SARNP: variants seen among roughly 807,000 people sequenced by gnomAD.
The protein encoded by SARNP is SAP domain containing ribonucleoprotein.
In SARNP, 5 loss-of-function variants were observed where a neutral mutation model predicts 38.1. That is an observed-to-expected ratio of 0.13 (90% CI 0.07 to 0.28). The LOEUF is 0.28. Ranked by LOEUF, SARNP falls within the 10% of genes least tolerant of loss-of-function variation. The probability of loss-of-function intolerance (pLI) is 1.00; values close to 1 mark genes in which losing one functional copy is unlikely to be tolerated. For synonymous variants in SARNP, 84 were observed against 80.6 expected (o/e 1.04, Z -0.23); for missense variants, 180 against 243.9 (o/e 0.74, Z 1.75).
chr12:55,762,368 C>T (rs1253216099), intron 9 of SARNP, among the ~76,000 whole-genome samples: 1 of 150,730 alleles, frequency 6.6e-6, no homozygotes, highest in Non-Finnish European at 1.5e-5. Flanking sequence ...TGCAGTGGCA[C>T]AATCTCAGCT....
chr12:55,816,284 ATATTT>A (rs1481999904), intron 1 of SARNP, among the ~76,000 whole-genome samples: 1 of 152,204 alleles, frequency 6.6e-6, no homozygotes, highest in Non-Finnish European at 1.5e-5. Context: ...TTTCTGTGTT[ATATTT>A]TATAACAGTC....
intron 9 of SARNP, among the ~76,000 whole-genome samples, chr12:55,763,041 TCA>T (rs776151930): frequency 2.8e-4 from 42 of 152,346 alleles, no homozygotes; most frequent in Admixed American, 4.6e-4. Flanking sequence ...TATCATTTAA[TCA>T]CAGTTTATTA....
chr12:55,772,742 T>C (rs964162003), intron 9 of SARNP, among the ~76,000 whole-genome samples: 4 of 149,432 alleles, frequency 2.7e-5, no homozygotes, highest in African/African-American at 1.0e-4. Flanking sequence ...GAGACAGAGT[T>C]TTGCTCTTTC....
At chr12:55,803,211 C>T (rs1008727030) in intron 2 of SARNP, among the ~76,000 whole-genome samples, 5 of 151,980 alleles carry the variant, frequency 3.3e-5, no homozygotes, top group Admixed American at 2.0e-4. Context: ...TGGCTGGGCG[C>T]GGTGGCTCAC....
intron 1 of SARNP, among the ~76,000 whole-genome samples, chr12:55,807,004 G>A (rs976577134): frequency 6.6e-6 from 1 of 152,012 alleles, no homozygotes; most frequent in Non-Finnish European, 1.5e-5. Flanking sequence ...TGTTGCCCGG[G>A]CTGAACTTAA....
chr12:55,777,577 T>C (rs937775880), intron 9 of SARNP, among the ~76,000 whole-genome samples: 7 of 152,124 alleles, frequency 4.6e-5, no homozygotes, highest in Non-Finnish European at 7.3e-5. Flanking sequence ...GGTTTCATCA[T>C]GTTAGCCAGG....
chr12:55,795,950 A>T (rs1451026985), intron 5 of SARNP, 75 bp downstream of exon 5: 18 of 1,027,146 alleles, frequency 1.8e-5, no homozygotes, highest in Non-Finnish European at 1.5e-6. Context: ...ATTTTAGAGG[A>T]TGATGCAGAT....
At chr12:55,790,655 A>G in intron 7 of SARNP, 63 bp from the exon 8 acceptor site, 3 of 1,391,206 alleles carry the variant, frequency 2.2e-6, no homozygotes, top group Non-Finnish European at 2.9e-6. Context: ...ACAGTCTTCA[A>G]GTCAAATTAG....
At chr12:55,792,175 GA>G (rs960274459) in intron 7 of SARNP, among the ~76,000 whole-genome samples, 6 of 151,798 alleles carry the variant, frequency 4.0e-5, no homozygotes, top group African/African-American at 7.3e-5. Flanking sequence ...CTAAGAGCCA[GA>G]AAAAAAATTT....
At chr12:55,795,701 T>C (rs2136198042) in intron 5 of SARNP, among the ~76,000 whole-genome samples, 1 of 152,256 alleles carries the variant, frequency 6.6e-6, no homozygotes, top group South Asian at 2.1e-4. Flanking sequence ...TACTGGCCAG[T>C]AGCAACATAA....
intron 9 of SARNP, among the ~76,000 whole-genome samples, chr12:55,772,260 CAAT>C (rs1879029744): frequency 1.3e-5 from 2 of 152,124 alleles, no homozygotes; most frequent in African/African-American, 4.8e-5. Flanking sequence ...AACCTACTCT[CAAT>C]AATCTCTTTC....
At chr12:55,807,528 C>G (rs760795217) in intron 1 of SARNP, among the ~76,000 whole-genome samples, 3 of 151,140 alleles carry the variant, frequency 2.0e-5, no homozygotes, top group Non-Finnish European at 4.4e-5. Flanking sequence ...TTTGGTCGGG[C>G]GTGGTGGCTC....
chr12:55,774,888 T>C (rs922857881), intron 9 of SARNP, among the ~76,000 whole-genome samples: 1 of 146,826 alleles, frequency 6.8e-6, no homozygotes, highest in Non-Finnish European at 1.5e-5. Flanking sequence ...TATTTGTTTT[T>C]TTTTTTTTTT....
In SARNP at chr12:55,764,706, C is replaced by T. The variant is rs111988069; in HGVS notation, c.502-4066G>A. Among the ~76,000 whole-genome samples, 32 of 150,252 alleles carry T rather than the reference C, an allele frequency of 2.1e-4. 1 individual carries two copies. Among genetic ancestry groups the T allele is most frequent in the African/African-American group, 5.6e-4 (23 of 40,810 alleles). On this transcript the variant is annotated intron_variant, in intron 9 of 10. Transcript: ENST00000336133. ...TACAAAAATTAGCTGGGTGTGGTGG[C>T]GAGTAGTAGTCCCTACTCGGGAAGC...
In SARNP at chr12:55,788,805, A is replaced by G. The variant is rs559766077; in HGVS notation, c.501+270T>C. ...ACAGAATGACCTTGTCTCAAAGGAA[A>G]AAAAAGAAAGAAAGAAAAGAAATGT... On this transcript the variant is annotated intron_variant, in intron 9 of 10. Coordinates refer to ENST00000336133, the MANE Select transcript of SARNP (RefSeq NM_033082.4). 3.9e-5 allele frequency among the ~76,000 whole-genome samples: 6 copies of G among 152,292 alleles called. No individual in the cohort carries two copies. The East Asian group carries it at 1.2e-3, about 29-fold the overall frequency.
At chr12:55,770,088 T>A (rs1326992134) in intron 9 of SARNP, among the ~76,000 whole-genome samples, 1 of 152,168 alleles carries the variant, frequency 6.6e-6, no homozygotes, top group East Asian at 1.9e-4. Flanking sequence ...GAAAGCAAGA[T>A]GAAGTGTAGT....
chr12:55,779,590 T>G (rs1449409503), intron 9 of SARNP, among the ~76,000 whole-genome samples: 2 of 152,156 alleles, frequency 1.3e-5, no homozygotes, highest in Non-Finnish European at 2.9e-5. Context: ...TCCATGTTGG[T>G]AATATCCTAT....
intron 9 of SARNP, among the ~76,000 whole-genome samples, chr12:55,766,115 G>A (rs1371050370): frequency 6.6e-6 from 1 of 152,160 alleles, no homozygotes; most frequent in Non-Finnish European, 1.5e-5. Context: ...GGCATCTGCA[G>A]GCAGCAGTGA....
rs144177663 is a variant in SARNP, at chr12:55,809,383, G to C, written c.37-5655C>G. On this transcript the variant is annotated intron_variant, in intron 1 of 10. Transcript: ENST00000336133. ...CACTTGGGTCTGGGAGGCTGAGGCT[G>C]CAATGAGCCATGATCATGCCACTGC... Among the ~76,000 whole-genome samples the C allele has an allele frequency of 4.0e-3, 613 of 152,162 alleles. 4 individuals are homozygous for C. The highest frequency in any genetic ancestry group is 0.014 in the African/African-American group (570 of 41,492).
Sources: gnomAD v4.1 joint callset for allele counts (sites outside exome capture counted in the v4.1 genomes callset) on GRCh38, gnomAD v4.1.1 for gene constraint, MANE v1.5 for transcripts, NCBI Gene and HGNC (gene_info 2026-07-23, HGNC 2026-07-21) for gene names.